SLC25A21: variants seen among roughly 807,000 people sequenced by gnomAD.
SLC25A21 encodes the protein solute carrier family 25 member 21, also known as mitochondrial 2-oxodicarboxylate carrier.
SLC25A21 carries 47 observed loss-of-function variants against 43.8 expected under a neutral mutation model. That is an observed-to-expected ratio of 1.07 (90% CI 0.85 to 1.37). The LOEUF (loss-of-function observed/expected upper bound fraction) is 1.37. SLC25A21 is among the 40% of genes most tolerant of loss of function. SLC25A21 has a pLI of 0.00. For synonymous variants in SLC25A21, 131 were observed against 121.3 expected (o/e 1.08, Z -0.52); for missense variants, 352 against 350.2 (o/e 1.00, Z -0.04).
intron 1 of SLC25A21, among the ~76,000 whole-genome samples, chr14:36,878,092 C>T (rs1048831033): frequency 2.0e-5 from 3 of 152,086 alleles, no homozygotes; most frequent in Non-Finnish European, 4.4e-5. Context: ...GCAAGTACAA[C>T]AGCACTGATG....
At chr14:36,986,007 A>G (rs1285801076) in intron 1 of SLC25A21, among the ~76,000 whole-genome samples, 1 of 152,144 alleles carries the variant, frequency 6.6e-6, no homozygotes. Flanking sequence ...CAAAGCTTAT[A>G]TTATCTCTGC....
At chr14:37,155,504 G>A (rs1165548051) in intron 1 of SLC25A21, among the ~76,000 whole-genome samples, 1 of 152,130 alleles carries the variant, frequency 6.6e-6, no homozygotes, top group African/African-American at 2.4e-5. Context: ...ACTGTCTAAA[G>A]TCAAAGATAA....
intron 1 of SLC25A21, among the ~76,000 whole-genome samples, chr14:36,928,755 A>G (rs550704455): frequency 6.6e-6 from 1 of 152,326 alleles, no homozygotes; most frequent in East Asian, 1.9e-4. Context: ...AAATCCCTGC[A>G]AAGAAAATCC....
At chr14:36,833,251 C>T (rs549837058) in intron 2 of SLC25A21, among the ~76,000 whole-genome samples, 5 of 152,142 alleles carry the variant, frequency 3.3e-5, no homozygotes, top group East Asian at 1.9e-4. Context: ...AGTTGATGGA[C>T]GATAGAATAG....
intron 1 of SLC25A21, among the ~76,000 whole-genome samples, chr14:37,037,592 T>A (rs115840259): frequency 0.088 from 5,032 of 57,228 alleles, 269 homozygotes; most frequent in African/African-American, 0.41. Context: ...TTTAAAAAAT[T>A]TTTTTCACCA....
chr14:37,145,975 T>C (rs1334587544), intron 1 of SLC25A21, among the ~76,000 whole-genome samples: 1 of 152,110 alleles, frequency 6.6e-6, no homozygotes, highest in Non-Finnish European at 1.5e-5. Flanking sequence ...ATTCGGTTCC[T>C]AGGGTAATGT....
At chr14:36,935,846 T>C (rs564387124) in intron 1 of SLC25A21, among the ~76,000 whole-genome samples, 25 of 152,246 alleles carry the variant, frequency 1.6e-4, no homozygotes, top group Non-Finnish European at 2.2e-4. Context: ...AGGGTGTCAA[T>C]ACAATAACAT....
intron 1 of SLC25A21, among the ~76,000 whole-genome samples, chr14:37,167,427 A>ATC (rs1412829918): frequency 1.2e-4 from 18 of 152,254 alleles, no homozygotes; most frequent in South Asian, 6.2e-4. Flanking sequence ...AAGCAACTCC[A>ATC]TCTTGCTTCT....
At chr14:36,795,422 C>G (rs1479125277) in intron 3 of SLC25A21, among the ~76,000 whole-genome samples, 2 of 152,186 alleles carry the variant, frequency 1.3e-5, no homozygotes, top group South Asian at 4.1e-4. Context: ...ATGTAGCATA[C>G]CTAGCAGTAC....
chr14:37,157,100 T>C lies in SLC25A21; in HGVS notation c.70+15181A>G, dbSNP rs568128504. ...CGCCCAGCACGGTGGCTCATGCTTG[T>C]AATCCCAGCACTTTGGGAGGCCAAG... On this transcript the variant is annotated intron_variant, in intron 1 of 9. Transcript: ENST00000331299. 3.3e-5 allele frequency among the ~76,000 whole-genome samples: 5 copies of C among 152,318 alleles called. No individual in the cohort carries two copies. The South Asian group carries it at 6.2e-4, about 19-fold the overall frequency.
chr14:36,920,227 A>T (rs1228679037), intron 1 of SLC25A21, among the ~76,000 whole-genome samples: 1 of 152,058 alleles, frequency 6.6e-6, no homozygotes, highest in Non-Finnish European at 1.5e-5. Context: ...AAAACTAAGG[A>T]TTCAGGTAAA....
At chr14:36,915,791 T>C (rs756176204) in intron 1 of SLC25A21, among the ~76,000 whole-genome samples, 8 of 152,168 alleles carry the variant, frequency 5.3e-5, no homozygotes, top group Non-Finnish European at 8.8e-5. Context: ...TTACACGCTA[T>C]ATGATGGCTT....
chr14:36,863,317 G>A (rs901855843), intron 2 of SLC25A21, among the ~76,000 whole-genome samples: 1 of 151,892 alleles, frequency 6.6e-6, no homozygotes, highest in African/African-American at 2.4e-5. Flanking sequence ...ATTAGCTAAG[G>A]GAGAGTCTTC....
intron 2 of SLC25A21, among the ~76,000 whole-genome samples, chr14:36,850,721 C>T (rs1205687356): frequency 6.6e-6 from 1 of 152,182 alleles, no homozygotes; most frequent in Non-Finnish European, 1.5e-5. Flanking sequence ...TGATCTGTAG[C>T]ACAGGGCACG....
At chr14:36,776,234 C>CTTTTTTTTTTT (rs1397904925) in intron 3 of SLC25A21, among the ~76,000 whole-genome samples, 123 of 75,746 alleles carry the variant, frequency 1.6e-3, no homozygotes, top group Middle Eastern at 6.7e-3. Context: ...TTCTTTCTTT[C>CTTTTTTTTTTT]TTTCTTTTTT....
At chr14:36,712,121 G>T (rs567303544) in intron 6 of SLC25A21, among the ~76,000 whole-genome samples, 99 of 152,240 alleles carry the variant, frequency 6.5e-4, no homozygotes, top group Non-Finnish European at 1.1e-3. Context: ...CTCCTTTCCA[G>T]TCCCCTGATT....
At chr14:37,095,684 G>C (rs1566877599) in intron 1 of SLC25A21, among the ~76,000 whole-genome samples, 1 of 151,992 alleles carries the variant, frequency 6.6e-6, no homozygotes, top group African/African-American at 2.4e-5. Context: ...GAACTCTGGA[G>C]TTTGAGACAA....
intron 3 of SLC25A21, among the ~76,000 whole-genome samples, chr14:36,745,706 G>A (rs1214026218): frequency 1.3e-5 from 2 of 151,762 alleles, no homozygotes; most frequent in Non-Finnish European, 2.9e-5. Context: ...TTTTTTTCTT[G>A]TAAACTTGTT....
At chr14:36,683,064 T>C (rs536085705) in intron 9 of SLC25A21, among the ~76,000 whole-genome samples, 71 of 152,322 alleles carry the variant, frequency 4.7e-4, no homozygotes, top group African/African-American at 1.6e-3. Context: ...CCAGTATGTA[T>C]AAGTAGGTGA....
Sources: gnomAD v4.1 joint callset for allele counts (sites outside exome capture counted in the v4.1 genomes callset) on GRCh38, gnomAD v4.1.1 for gene constraint, MANE v1.5 for transcripts, NCBI Gene and HGNC (gene_info 2026-07-23, HGNC 2026-07-21) for gene names.